MTHFD2L: variants seen among roughly 807,000 people sequenced by gnomAD.
MTHFD2L encodes the protein bifunctional methylenetetrahydrofolate dehydrogenase/cyclohydrolase 2, mitochondrial.
A neutral mutation model predicts 34.9 loss-of-function variants in MTHFD2L; 29 were observed. That is an observed-to-expected ratio of 0.83 (90% CI 0.62 to 1.13). MTHFD2L has a LOEUF of 1.13. Among genes scored for constraint, MTHFD2L ranks in the 50% most tolerant of loss-of-function variants. The pLI is 0.00. For missense variants in MTHFD2L, 481 were observed against 446.5 expected (o/e 1.08, Z -0.70); for synonymous variants, 167 against 155.7 (o/e 1.07, Z -0.54).
chr4:74,123,005 A>T (rs535419531), upstream of MTHFD2L, among the ~76,000 whole-genome samples: 1 of 152,180 alleles, frequency 6.6e-6, no homozygotes, highest in Admixed American at 6.6e-5. Context: ...CAAAGTATGA[A>T]TGCTATAAAA....
At position 74,175,314 on chromosome 4, in the gene MTHFD2L, A is replaced by C; in HGVS notation, c.362A>C (p.Asp121Ala). Reference sequence around the variant, plus strand: ...AGTGAGCTCATTCTAAAACCTAAGGATGTTTCTCAGGAAGAACTTTTGGAC... The same window carrying C: ...AGTGAGCTCATTCTAAAACCTAAGGCTGTTTCTCAGGAAGAACTTTTGGAC... ...ICSELILKPKDVSQEELLDVT... is the reference protein window; with the variant it reads ...ICSELILKPKAVSQEELLDVT... Residue 121 changes from aspartate (D) to alanine (A), a missense_variant, in exon 3 of 8, where the codon GAT becomes GCT. Transcript: ENST00000325278. 2 of 1,613,250 alleles carry C rather than the reference A, an allele frequency of 1.2e-6. No homozygotes were observed. Among genetic ancestry groups the C allele is most frequent in the Non-Finnish European group, 1.7e-6 (2 of 1,179,438 alleles).
intron 7 of MTHFD2L, among the ~76,000 whole-genome samples, chr4:74,290,374 C>T (rs1286323654): frequency 6.6e-6 from 1 of 152,160 alleles, no homozygotes; most frequent in African/African-American, 2.4e-5. Flanking sequence ...CTTTCACTCC[C>T]TGCTCTTTTT....
intron 6 of MTHFD2L, among the ~76,000 whole-genome samples, chr4:74,268,823 G>C (rs1745617879): frequency 6.6e-6 from 1 of 152,186 alleles, no homozygotes. Flanking sequence ...TAGCTGAAGA[G>C]CTAATGGTCA....
intron 6 of MTHFD2L, chr4:74,266,848 AG>A (rs1688795424): frequency 1.0e-6 from 1 of 985,176 alleles, no homozygotes; most frequent in African/African-American, 1.7e-5. Flanking sequence ...ACTGCATAAG[AG>A]GGGAATACTA....
At chr4:74,185,045 G>A (rs972404979) in intron 3 of MTHFD2L, among the ~76,000 whole-genome samples, 2 of 151,212 alleles carry the variant, frequency 1.3e-5, no homozygotes, top group African/African-American at 2.4e-5. Flanking sequence ...CCAGCTACTC[G>A]GGAGGCTGAG....
chr4:74,288,896 T>A (rs930228322), intron 7 of MTHFD2L, among the ~76,000 whole-genome samples: 6 of 152,228 alleles, frequency 3.9e-5, no homozygotes, highest in African/African-American at 1.4e-4. Context: ...TTGAAAATTG[T>A]GTCAGGTCCC....
intron 6 of MTHFD2L, among the ~76,000 whole-genome samples, chr4:74,237,998 T>C (rs1741101239): frequency 6.6e-6 from 1 of 152,218 alleles, no homozygotes; most frequent in South Asian, 2.1e-4. Context: ...TGAATGTCTG[T>C]TGCAGACAAT....
chr4:74,122,171 G>T (rs1371800331), upstream of MTHFD2L, among the ~76,000 whole-genome samples: 1 of 152,064 alleles, frequency 6.6e-6, no homozygotes, highest in Admixed American at 6.6e-5. Flanking sequence ...TGGAAATAGG[G>T]GTTGTATTCC....
At chr4:74,293,065 C>A (rs1376954589) in intron 7 of MTHFD2L, among the ~76,000 whole-genome samples, 1 of 151,750 alleles carries the variant, frequency 6.6e-6, no homozygotes, top group Non-Finnish European at 1.5e-5. Context: ...AATTATTATA[C>A]TTTAAGCTCT....
At chr4:74,241,615 C>T (rs1436567046) in intron 6 of MTHFD2L, 2 of 439,566 alleles carry the variant, frequency 4.5e-6, no homozygotes, top group Admixed American at 2.5e-5. Flanking sequence ...TGAACTCAAG[C>T]GATCCACCTG....
At chr4:74,158,646 A>C (rs1295889037) in intron 1 of MTHFD2L, among the ~76,000 whole-genome samples, 1 of 152,226 alleles carries the variant, frequency 6.6e-6, no homozygotes, top group African/African-American at 2.4e-5. Context: ...TCGTAAATAA[A>C]GGAGTAGGCG....
chr4:74,230,538 C>A (rs1262258418), intron 6 of MTHFD2L, among the ~76,000 whole-genome samples: 3 of 147,456 alleles, frequency 2.0e-5, no homozygotes, highest in African/African-American at 7.6e-5. Context: ...TGCAGTGAGC[C>A]GAGATCACAC....
At chr4:74,162,272 T>G (rs1439231356) in intron 1 of MTHFD2L, 1 of 152,192 alleles carries the variant, frequency 6.6e-6, no homozygotes, top group Non-Finnish European at 1.5e-5. Context: ...TCTTGCTGCT[T>G]TTTATTGTCT....
At chr4:74,277,263 A>G (rs1164347084) in intron 6 of MTHFD2L, among the ~76,000 whole-genome samples, 1 of 151,598 alleles carries the variant, frequency 6.6e-6, no homozygotes, top group African/African-American at 2.4e-5. Context: ...ATGGAGTCTT[A>G]TCTGTGCTTG....
intron 1 of MTHFD2L, among the ~76,000 whole-genome samples, chr4:74,140,959 T>A (rs1247497650): frequency 6.6e-6 from 1 of 152,226 alleles, no homozygotes; most frequent in Non-Finnish European, 1.5e-5. Flanking sequence ...CCAAACCACA[T>A]CAGGCATGAA....
intron 1 of MTHFD2L, among the ~76,000 whole-genome samples, chr4:74,131,980 A>G (rs1722546671): frequency 6.6e-6 from 1 of 152,158 alleles, no homozygotes; most frequent in South Asian, 2.1e-4. Flanking sequence ...AAAAACATAT[A>G]TAAAAAGAAA....
At chr4:74,182,030 A>AT (rs201489437) in intron 3 of MTHFD2L, among the ~76,000 whole-genome samples, 2,128 of 151,638 alleles carry the variant, frequency 0.014, 20 homozygotes, top group South Asian at 0.023. Flanking sequence ...CAGAGTGGGA[A>AT]TTTTTTTTTA....
At chr4:74,247,687 G>A (rs562427299) in intron 6 of MTHFD2L, among the ~76,000 whole-genome samples, 4 of 152,270 alleles carry the variant, frequency 2.6e-5, no homozygotes, top group Middle Eastern at 3.4e-3. Flanking sequence ...TTTTTAGCAT[G>A]AAGGGATGTT....
At chr4:74,201,404 G>A (rs757410370) in intron 5 of MTHFD2L, 34 bp downstream of exon 5, 15 of 1,470,806 alleles carry the variant, frequency 1.0e-5, no homozygotes, top group African/African-American at 2.8e-5. Flanking sequence ...ACACTCTCTC[G>A]CAGTATTCTT....
Sources: allele counts gnomAD v4.1 joint callset (sites outside exome capture counted in the v4.1 genomes callset), GRCh38; gene constraint gnomAD v4.1.1; transcripts MANE v1.5; gene names NCBI Gene and HGNC (gene_info 2026-07-23, HGNC 2026-07-21).